The following YTHDF3 variants were observed in gnomAD, a reference collection of about 807,000 sequenced individuals.
YTHDF3 encodes YTH domain-containing family protein 3.
YTHDF3 carries 9 observed loss-of-function variants against 52.5 expected under a neutral mutation model. That is an observed-to-expected ratio of 0.17 (90% CI 0.10 to 0.30). The LOEUF (loss-of-function observed/expected upper bound fraction) is 0.30, where lower values mean the gene tolerates loss of function less well. YTHDF3 is among the 10% of genes least tolerant of loss of function. The pLI is 1.00. For missense variants in YTHDF3, 534 were observed against 715.0 expected, an observed-to-expected ratio of 0.75 and a Z score of 2.89; for synonymous variants, 274 against 243.3, an observed-to-expected ratio of 1.13 and a Z score of -1.18.
rs775939482 is a variant in YTHDF3 at position 63,186,815 on chromosome 8, T to C, written c.804T>C (p.Pro268=). ...VGIGGSAVPP[P]PIKHNMNIGT... ...TTGGGGGTTCTGCTGTACCACCACC[T>C]CCTATAAAACACAACATGAATATTG... The change falls in exon 4 of 5, where the codon CCT becomes CCC. Residue 268 remains proline (P), a synonymous_variant. Coordinates refer to ENST00000539294, the MANE Select transcript of YTHDF3 (RefSeq NM_152758.6). The C allele has an allele frequency of 6.2e-6, 10 of 1,613,784 alleles. No individual in the cohort carries two copies. The highest frequency in any genetic ancestry group is 8.5e-6 in the Non-Finnish European group (10 of 1,179,882).
intron 4 of YTHDF3, among the ~76,000 whole-genome samples, chr8:63,194,819 G>A (rs767272096): frequency 6.6e-6 from 1 of 152,114 alleles, no homozygotes; most frequent in South Asian, 2.1e-4. Flanking sequence ...GTTTAGAAGG[G>A]TTATACTAAC....
At chr8:63,189,284 C>T (rs546777600) in intron 4 of YTHDF3, among the ~76,000 whole-genome samples, 2 of 152,216 alleles carry the variant, frequency 1.3e-5, no homozygotes, top group Admixed American at 6.5e-5. Flanking sequence ...GATCACAGGG[C>T]CACAAGAGTC....
intron 4 of YTHDF3, among the ~76,000 whole-genome samples, chr8:63,194,457 C>A (rs1454643121): frequency 6.6e-6 from 1 of 152,002 alleles, no homozygotes; most frequent in Non-Finnish European, 1.5e-5. Context: ...TGCACTCCAG[C>A]TTGGGCAACA....
In YTHDF3 at chr8:63,212,127, T is replaced by G. The variant is rs1245831471; in HGVS notation, c.*2421T>G. The G allele has an allele frequency of 6.6e-6, 1 of 152,620 alleles. No homozygotes were observed. The highest frequency in any genetic ancestry group is 2.4e-5 in the African/African-American group (1 of 41,454). The allele number at this position is 152,620 out of a possible 1,614,324, so 9.5% of individuals were successfully genotyped here. The stretch of plus-strand genomic sequence containing the variant: ...ACAAATTAAGACATTATCAGCCCAG[T>G]AAATTTCTTGCTTAATGTTTTTCCA... On this transcript the variant is annotated 3_prime_UTR_variant, in exon 5 of 5. Transcript: ENST00000539294.
At position 63,192,816 on chromosome 8, in the gene YTHDF3, CTT is replaced by C. The variant is rs35989091; in HGVS notation, c.1734+5085_1734+5086del. 2.4e-3 allele frequency among the ~76,000 whole-genome samples: 325 copies of C among 136,538 alleles called. 1 individual carries two copies. Among genetic ancestry groups the C allele is most frequent in the African/African-American group, 7.4e-3 (281 of 37,916 alleles). The allele number at this position is 136,538 out of a possible 152,430, so 89.6% of individuals were successfully genotyped here. A position where few individuals can be genotyped will look rare whatever the true frequency, so the allele number is the denominator to read the frequency against. On this transcript the variant is annotated intron_variant, in intron 4 of 4. Coordinates refer to ENST00000539294, the MANE Select transcript of YTHDF3 (RefSeq NM_152758.6). ...CTAGGATTTTCTTTACTACTTATGC[CTT>C]TTTTTTTTTTTTTAAATAAAAGTAG...
intron 3 of YTHDF3, among the ~76,000 whole-genome samples, chr8:63,179,156 G>C (rs1259547893): frequency 2.0e-5 from 3 of 151,668 alleles, no homozygotes; most frequent in African/African-American, 7.3e-5. Context: ...CTTCTATTTT[G>C]TAGTGTTCAG....
At chr8:63,194,013 G>A (rs936559330) in intron 4 of YTHDF3, among the ~76,000 whole-genome samples, 13 of 151,560 alleles carry the variant, frequency 8.6e-5, no homozygotes, top group Non-Finnish European at 1.6e-4. Context: ...AGAATGTTAG[G>A]AGCAATCAAT....
At chr8:63,188,012 A>C (rs1340376079) in intron 4 of YTHDF3, among the ~76,000 whole-genome samples, 1 of 152,236 alleles carries the variant, frequency 6.6e-6, no homozygotes, top group Non-Finnish European at 1.5e-5. Context: ...TTTATCATCA[A>C]AGCTGAATGA....
chr8:63,183,961 G>T (rs1222274425), intron 3 of YTHDF3, among the ~76,000 whole-genome samples: 3 of 152,112 alleles, frequency 2.0e-5, no homozygotes, highest in African/African-American at 7.2e-5. Context: ...GATGATCTCT[G>T]GGTTATTTAT....
chr8:63,191,857 GT>G (rs1488758840), intron 4 of YTHDF3, among the ~76,000 whole-genome samples: 3 of 152,190 alleles, frequency 2.0e-5, no homozygotes, highest in African/African-American at 7.2e-5. Flanking sequence ...TTACTAGGTA[GT>G]TTTCTATTAC....
At chr8:63,176,674 GT>G (rs10710672) in intron 3 of YTHDF3, among the ~76,000 whole-genome samples, 41,718 of 146,228 alleles carry the variant, frequency 0.29, 7,155 homozygotes, top group East Asian at 0.76. Flanking sequence ...TAGAAACTCA[GT>G]TTTTTTTTTT....
At chr8:63,201,287 G>A (rs7002089) in intron 4 of YTHDF3, among the ~76,000 whole-genome samples, 50,998 of 152,034 alleles carry the variant, frequency 0.34, 11,684 homozygotes, top group East Asian at 0.76. Flanking sequence ...AATTTGGGAA[G>A]GTGAGGCGGG....
intron 2 of YTHDF3, among the ~76,000 whole-genome samples, chr8:63,174,266 A>T (rs544281436): frequency 6.6e-6 from 1 of 152,352 alleles, no homozygotes; most frequent in East Asian, 1.9e-4. Flanking sequence ...CTTCACTAGT[A>T]TAGAATAGTA....
intron 4 of YTHDF3, among the ~76,000 whole-genome samples, chr8:63,188,207 G>A (rs1012377733): frequency 1.3e-5 from 2 of 151,606 alleles, no homozygotes; most frequent in African/African-American, 4.9e-5. Flanking sequence ...CAGTTATGGC[G>A]TATAGCCTCA....
At chr8:63,198,738 C>G (rs1010175085) in intron 4 of YTHDF3, among the ~76,000 whole-genome samples, 1 of 152,094 alleles carries the variant, frequency 6.6e-6, no homozygotes, top group Non-Finnish European at 1.5e-5. Context: ...GCAAACATTT[C>G]CCTGGCAGTT....
intron 2 of YTHDF3, among the ~76,000 whole-genome samples, chr8:63,174,663 A>G (rs139368577): frequency 8.5e-5 from 13 of 152,292 alleles, no homozygotes; most frequent in African/African-American, 2.9e-4. Flanking sequence ...TTTCTCATGT[A>G]TTGCAAGGAT....
At chr8:63,205,813 A>T (rs1179279322) in intron 4 of YTHDF3, among the ~76,000 whole-genome samples, 1 of 152,184 alleles carries the variant, frequency 6.6e-6, no homozygotes, top group East Asian at 1.9e-4. Flanking sequence ...AAATATTTTA[A>T]TAGTAACACT....
At chr8:63,181,329 A>G (rs1808120735) in intron 3 of YTHDF3, among the ~76,000 whole-genome samples, 3 of 152,196 alleles carry the variant, frequency 2.0e-5, no homozygotes, top group South Asian at 4.1e-4. Flanking sequence ...TAAAATCCCA[A>G]GTCTGATTGT....
chr8:63,184,491 T>C (rs1189908411), intron 3 of YTHDF3, among the ~76,000 whole-genome samples: 1 of 152,234 alleles, frequency 6.6e-6, no homozygotes, highest in Non-Finnish European at 1.5e-5. Context: ...AGTAGACAGT[T>C]ACAAGAGTTA....
Sources: allele counts gnomAD v4.1 joint callset (sites outside exome capture counted in the v4.1 genomes callset), GRCh38; gene constraint gnomAD v4.1.1; transcripts MANE v1.5; gene names NCBI Gene and HGNC (gene_info 2026-07-23, HGNC 2026-07-21).